VWA8: variants seen among roughly 807,000 people sequenced by gnomAD.
VWA8 encodes von Willebrand factor A domain-containing protein 8.
A neutral mutation model predicts 241.5 loss-of-function variants in VWA8; 221 were observed. That is an observed-to-expected ratio of 0.91 (90% CI 0.82 to 1.02). The LOEUF is 1.02. Among genes scored for constraint, VWA8 ranks in the 50% least tolerant of loss-of-function variants. VWA8 has a pLI of 0.00. For missense variants in VWA8, 2,322 were observed against 2,328.7 expected (o/e 1.00, Z 0.06); for synonymous variants, 852 against 827.1 (o/e 1.03, Z -0.52).
At chr13:41,763,899 C>T (rs2045760736) in intron 20 of VWA8, among the ~76,000 whole-genome samples, 1 of 152,162 alleles carries the variant, frequency 6.6e-6, no homozygotes, top group Non-Finnish European at 1.5e-5. Context: ...TGTGGAGTCC[C>T]AGCTGCCACT....
At chr13:41,718,862 T>C (rs908659019) in intron 26 of VWA8, among the ~76,000 whole-genome samples, 2 of 151,902 alleles carry the variant, frequency 1.3e-5, no homozygotes, top group African/African-American at 4.8e-5. Context: ...TTATCCCCTA[T>C]GAATTTATAA....
intron 21 of VWA8, among the ~76,000 whole-genome samples, chr13:41,739,830 T>G (rs1338408172): frequency 7.3e-6 from 1 of 136,456 alleles, no homozygotes; most frequent in Non-Finnish European, 1.6e-5. Flanking sequence ...TTTTTTTGTT[T>G]TTTTTTTTGT....
chr13:41,729,736 T>TC (rs1267595903), intron 22 of VWA8, 59 bp from the exon 23 acceptor site: 1 of 1,569,348 alleles, frequency 6.4e-7, no homozygotes, highest in African/African-American at 1.4e-5. Flanking sequence ...TATTAAAACT[T>TC]CATTACTTAC....
chr13:41,798,203 T>C (rs1330710819), intron 17 of VWA8, among the ~76,000 whole-genome samples: 2 of 152,228 alleles, frequency 1.3e-5, no homozygotes, highest in Non-Finnish European at 2.9e-5. Context: ...TACTTCCCTA[T>C]ATTGGTATTC....
Position 41,644,573 on chromosome 13 carries a change from T to A in VWA8, c.4611+26373A>T, listed in dbSNP as rs556436115. Among the ~76,000 whole-genome samples, 5 of 152,332 alleles carry A rather than the reference T, an allele frequency of 3.3e-5. No individual in the cohort carries two copies. In the South Asian group the frequency reaches 8.3e-4, roughly 25 times the overall value. ...TGCACTTTAGGTTAACTGGTGTGTC[T>A]ACATGGTCCCAGTGTGAGTGAGTGC... On this transcript the variant is annotated intron_variant, in intron 37 of 44. Coordinates refer to ENST00000379310, the MANE Select transcript of VWA8 (RefSeq NM_015058.2).
chr13:41,931,609 A>C (rs550962857), intron 2 of VWA8, among the ~76,000 whole-genome samples: 1 of 152,254 alleles, frequency 6.6e-6, no homozygotes, highest in East Asian at 1.9e-4. Flanking sequence ...TAACTATGTG[A>C]GATGATGGAT....
intron 37 of VWA8, among the ~76,000 whole-genome samples, chr13:41,663,788 C>G (rs1441810509): frequency 6.6e-6 from 1 of 151,634 alleles, no homozygotes; most frequent in African/African-American, 2.4e-5. Context: ...AACAATTTTT[C>G]TACATCGTGG....
intron 12 of VWA8, among the ~76,000 whole-genome samples, chr13:41,856,432 A>G (rs1306734507): frequency 6.6e-6 from 1 of 152,244 alleles, no homozygotes. Flanking sequence ...TATTTGGGGT[A>G]CAGAATGAGT....
intron 21 of VWA8, among the ~76,000 whole-genome samples, chr13:41,754,587 C>T (rs2045680522): frequency 6.6e-6 from 1 of 152,108 alleles, no homozygotes; most frequent in South Asian, 2.1e-4. Flanking sequence ...AGCATTTATC[C>T]TTTGTGTTAC....
Position 41,710,133 on chromosome 13 carries a change from A to G in VWA8, c.3117-6722T>C, listed in dbSNP as rs184489849. Among the ~76,000 whole-genome samples the G allele has an allele frequency of 2.8e-4, 42 of 152,254 alleles. 1 individual carries two copies. In the East Asian group the frequency reaches 7.5e-3, roughly 27 times the overall value. ...CAACATTTTGACCTACTTGTTTCTC[A>G]TCTCAACGGCAATTTGCAAACTACT... On this transcript the variant is annotated intron_variant, in intron 26 of 44. Coordinates refer to ENST00000379310, the MANE Select transcript of VWA8 (RefSeq NM_015058.2).
At chr13:41,705,146 TTCTAAG>T (rs2045274783) in intron 26 of VWA8, among the ~76,000 whole-genome samples, 2 of 152,216 alleles carry the variant, frequency 1.3e-5, no homozygotes, top group Admixed American at 6.5e-5. Context: ...ATTGAAATTC[TTCTAAG>T]TCATATGACA....
chr13:41,802,243 T>C (rs571954739), intron 17 of VWA8, among the ~76,000 whole-genome samples: 1 of 152,304 alleles, frequency 6.6e-6, no homozygotes, highest in African/African-American at 2.4e-5. Context: ...TTGTGGTATT[T>C]TGCATTGGAA....
intron 44 of VWA8, 75 bp downstream of exon 44, chr13:41,570,393 G>A: frequency 1.5e-6 from 2 of 1,342,462 alleles, no homozygotes; most frequent in South Asian, 1.3e-5. Context: ...ATGGTGCTAA[G>A]CCTATAAAAC....
chr13:41,680,455 G>A (rs2045090981), intron 35 of VWA8, among the ~76,000 whole-genome samples: 1 of 151,852 alleles, frequency 6.6e-6, no homozygotes, highest in African/African-American at 2.4e-5. Flanking sequence ...CTTCCCCCAT[G>A]CCAGACATTG....
chr13:41,934,896 C>G (rs528753731), intron 2 of VWA8, among the ~76,000 whole-genome samples: 7 of 151,984 alleles, frequency 4.6e-5, no homozygotes, highest in South Asian at 2.1e-4. Flanking sequence ...CAGTGTATTG[C>G]ATGTCAGTTA....
At position 41,885,932 on chromosome 13, in the gene VWA8, C is replaced by A. The variant is rs571437401; in HGVS notation, c.963G>T (p.Ala321=). 1 of 1,581,642 alleles carries A rather than the reference C, an allele frequency of 6.3e-7. No homozygotes were observed. The highest frequency in any genetic ancestry group is 8.5e-7 in the Non-Finnish European group (1 of 1,170,402). The change falls in exon 8 of 45, where the codon GCG becomes GCT. Residue 321 remains alanine, a synonymous_variant. Transcript: ENST00000379310. ...PDFPLDSLAA[A]VQILDSFPMM... ...TTATTTTACTTACCAAGATTTGAAC[C>A]GCAGCTGCTAAACTATCTAAAGGAA...
chr13:41,625,230 T>C (rs1374584016), intron 37 of VWA8, among the ~76,000 whole-genome samples: 1 of 152,072 alleles, frequency 6.6e-6, no homozygotes, highest in African/African-American at 2.4e-5. Context: ...AATTGACATA[T>C]GGGATCTAAC....
intron 12 of VWA8, among the ~76,000 whole-genome samples, chr13:41,865,099 G>A (rs1288204193): frequency 2.0e-5 from 3 of 151,692 alleles, no homozygotes; most frequent in African/African-American, 7.3e-5. Flanking sequence ...TCCCACTGTA[G>A]CTGAAACCTA....
chr13:41,717,202 C>T (rs1370393156), intron 26 of VWA8, among the ~76,000 whole-genome samples: 1 of 151,848 alleles, frequency 6.6e-6, no homozygotes, highest in Non-Finnish European at 1.5e-5. Flanking sequence ...ATAGCTCCCC[C>T]TGCCTTTCTC....
Sources: gnomAD v4.1 joint callset for allele counts (sites outside exome capture counted in the v4.1 genomes callset) on GRCh38, gnomAD v4.1.1 for gene constraint, MANE v1.5 for transcripts, NCBI Gene and HGNC (gene_info 2026-07-23, HGNC 2026-07-21) for gene names.